HMGN1: variants seen among roughly 807,000 people sequenced by gnomAD.
HMGN1 encodes high mobility group nucleosome binding domain 1, also known as non-histone chromosomal protein HMG-14.
A neutral mutation model predicts 18.4 loss-of-function variants in HMGN1; 9 were observed. The observed-to-expected ratio is 0.49, with a 90% CI of 0.29 to 0.85. The LOEUF (loss-of-function observed/expected upper bound fraction) is 0.85, where lower values mean the gene tolerates loss of function less well. HMGN1 is among the 40% of genes least tolerant of loss of function. HMGN1 has a pLI of 0.07. For synonymous variants in HMGN1, 59 were observed against 45.0 expected, an observed-to-expected ratio of 1.31 and a Z score of -1.24; for missense variants, 151 against 119.2, an observed-to-expected ratio of 1.27 and a Z score of -1.24.
At chr21:39,345,319 T>C (rs747647104) in intron 4 of HMGN1, 45 bp from the exon 5 acceptor site, 1 of 1,570,572 alleles carries the variant, frequency 6.4e-7, no homozygotes, top group East Asian at 2.2e-5. Flanking sequence ...CTTTACTCCT[T>C]ATTTACATTT....
At chr21:39,347,242 C>T in intron 4 of HMGN1, 1 of 666,128 alleles carries the variant, frequency 1.5e-6, no homozygotes, top group Non-Finnish European at 2.0e-6. Context: ...ATACTATTCT[C>T]ATACCTTCCG....
intron 4 of HMGN1, 138 bp downstream of exon 4, chr21:39,348,154 C>T (rs1424489157): frequency 1.7e-6 from 2 of 1,171,368 alleles, no homozygotes; most frequent in Non-Finnish European, 2.4e-6. Context: ...ATTTTTGCCT[C>T]GACCACTAGA....
intron 5 of HMGN1, 22 bp downstream of exon 5, chr21:39,345,124 C>CACACACACAT: frequency 1.3e-6 from 2 of 1,567,564 alleles, no homozygotes; most frequent in Non-Finnish European, 8.7e-7. Context: ...CACACACACA[C>CACACACACAT]ACACACACAC....
intron 4 of HMGN1, 199 bp from the exon 5 acceptor site, chr21:39,345,473 C>T: frequency 1.7e-6 from 1 of 606,040 alleles, no homozygotes. Flanking sequence ...TTTGTATAGA[C>T]TGTATCCATA....
At chr21:39,348,708 A>T (rs2037158451) in intron 1 of HMGN1, 131 bp from the exon 2 acceptor site, 1 of 1,195,714 alleles carries the variant, frequency 8.4e-7, no homozygotes, top group Non-Finnish European at 1.1e-6. Flanking sequence ...TAGCCCCCTC[A>T]GCTCCCCCGG....
intron 4 of HMGN1, chr21:39,347,727 G>A (rs546244557): frequency 3.8e-6 from 1 of 264,840 alleles, no homozygotes; most frequent in Admixed American, 5.1e-5. Context: ...CCTGCAATTC[G>A]AATCATGCAA....
rs1212952107 is a variant in HMGN1, at chr21:39,348,316, C to T, written c.102G>A (p.Ala34=). 3 of 1,614,194 alleles carry T rather than the reference C, an allele frequency of 1.9e-6. No individual in the cohort carries two copies. Among genetic ancestry groups the T allele is most frequent in the Middle Eastern group, 1.6e-4 (1 of 6,062 alleles). The change falls in exon 4 of 6, where the codon GCG becomes GCA. Residue 34 remains alanine, a synonymous_variant. Transcript: ENST00000380749. The part of the protein sequence containing the change: ...LSAKPPAKVE[A]KPKKAAAKDK... ...CCTTCGCTGCTGCCTTTTTCGGCTT[C>T]GCTTCCACTTTTGCAGGAGGTTTCT...
In HMGN1 at chr21:39,348,573, C is replaced by G. The variant is rs2037150405; in HGVS notation, c.20G>C (p.Ser7Thr). Residue 7 changes from serine to threonine, a missense_variant, in exon 2 of 6, where the codon AGC becomes ACC. By Grantham distance (58) the Ser-to-Thr change is moderately conservative (BLOSUM62 1). Coordinates refer to ENST00000380749, the MANE Select transcript of HMGN1 (RefSeq NM_004965.7). ...TTCCTTGGCGGCGCCTTCGGCGGAGCTGACCTGCGGAGACGGAGACGCACG... is the reference window on the plus strand; with the variant it reads ...TTCCTTGGCGGCGCCTTCGGCGGAGGTGACCTGCGGAGACGGAGACGCACG... MPKRKV[S>T]SAEGAAKEEP... 16 of 1,607,702 alleles carry G rather than the reference C, an allele frequency of 1.0e-5. No individual in the cohort carries two copies. The East Asian group carries it at 3.4e-4, about 34-fold the overall frequency.
intron 5 of HMGN1, chr21:39,344,566 A>C (rs1301303877): frequency 6.5e-6 from 1 of 152,752 alleles, no homozygotes; most frequent in African/African-American, 2.4e-5. Flanking sequence ...GCTCACAACA[A>C]ATCAATCAAA....
chr21:39,348,401 T>C (rs1181086429), intron 3 of HMGN1, 21 bp downstream of exon 3: 1 of 1,614,016 alleles, frequency 6.2e-7, no homozygotes, highest in Non-Finnish European at 8.5e-7. Flanking sequence ...AACGAACGGT[T>C]ACGGGGCTCG....
At position 39,348,468 on chromosome 21, in the gene HMGN1, GGA is replaced by G. The variant is rs1271599362; in HGVS notation, c.49-19_49-18del. On this transcript the variant is annotated intron_variant, in intron 2 of 5. Coordinates refer to ENST00000380749, the MANE Select transcript of HMGN1 (RefSeq NM_004965.7). ...CCTCTTGGGCTTGGAGAAAGAAAAAGGAGAGTCAGCGAGAAGAGAAGGCAGGC... is the reference window on the plus strand; with the variant it reads ...CCTCTTGGGCTTGGAGAAAGAAAAAGGAGTCAGCGAGAAGAGAAGGCAGGC... 1.2e-6 allele frequency: 2 copies of G among 1,614,182 alleles called. No individual in the cohort carries two copies. The highest frequency in any genetic ancestry group is 1.7e-6 in the Non-Finnish European group (2 of 1,180,026).
intron 1 of HMGN1, 157 bp from the exon 2 acceptor site, chr21:39,348,734 G>T: frequency 9.0e-7 from 1 of 1,117,176 alleles, no homozygotes; most frequent in Non-Finnish European, 1.2e-6. Context: ...AAACGTTCCA[G>T]AACGCCCGCC....
intron 4 of HMGN1, 58 bp from the exon 5 acceptor site, chr21:39,345,332 T>C: frequency 6.4e-7 from 1 of 1,553,166 alleles, no homozygotes; most frequent in Non-Finnish European, 8.8e-7. Context: ...TTACATTTTG[T>C]TTTACTTTTT....
At chr21:39,348,180 A>C (rs769729670) in intron 4 of HMGN1, 112 bp downstream of exon 4, 52 of 1,357,204 alleles carry the variant, frequency 3.8e-5, no homozygotes, top group Non-Finnish European at 4.9e-5. Context: ...TATTTACCGT[A>C]ATTATTAAAG....
rs750663576 is a variant in HMGN1, at chr21:39,348,569, G to A, written c.24C>T (p.Ser8=). 6 of 1,609,604 alleles carry A rather than the reference G, an allele frequency of 3.7e-6. No individual in the cohort carries two copies. The South Asian group carries it at 4.4e-5, about 12-fold the overall frequency. The part of the protein sequence containing the change: MPKRKVS[S]AEGAAKEEPK... ...CCTCTTCCTTGGCGGCGCCTTCGGCGGAGCTGACCTGCGGAGACGGAGACG... is the reference window on the plus strand; with the variant it reads ...CCTCTTCCTTGGCGGCGCCTTCGGCAGAGCTGACCTGCGGAGACGGAGACG... The change falls in exon 2 of 6, where the codon TCC becomes TCT. Residue 8 remains serine, a synonymous_variant. Transcript: ENST00000380749.
At chr21:39,347,376 T>C in intron 4 of HMGN1, 17 of 1,155,256 alleles carry the variant, frequency 1.5e-5, no homozygotes, top group Non-Finnish European at 1.9e-5. Flanking sequence ...CTTTGTTTTA[T>C]ACCTTTATTT....
chr21:39,348,920 T>G lies in HMGN1; in HGVS notation c.-3A>C, dbSNP rs1214610663. On this transcript the variant is annotated 5_prime_UTR_variant, in exon 1 of 6. Coordinates refer to ENST00000380749, the MANE Select transcript of HMGN1 (RefSeq NM_004965.7). ...CCGCTCACCTTCCTCTTGGGCATCGTGGCGGCGGGGAAGGCGCGTGCCGGG... is the reference window on the plus strand; with the variant it reads ...CCGCTCACCTTCCTCTTGGGCATCGGGGCGGCGGGGAAGGCGCGTGCCGGG... The G allele has an allele frequency of 2.5e-6, 3 of 1,192,822 alleles. No homozygotes were observed. In the African/African-American group the frequency reaches 4.8e-5, roughly 19 times the overall value. The allele number at this position is 1,192,822 out of a possible 1,614,324, so 73.9% of individuals were successfully genotyped here. A position where few individuals can be genotyped will look rare whatever the true frequency, so the allele number is the denominator to read the frequency against.
At chr21:39,348,255 G>C (rs377267462) in intron 4 of HMGN1, 37 bp downstream of exon 4, 5 of 1,612,374 alleles carry the variant, frequency 3.1e-6, no homozygotes, top group Non-Finnish European at 4.2e-6. Flanking sequence ...TGTAGCCTAA[G>C]GCCCCGCTGC....
rs138483188 is a variant in HMGN1, at chr21:39,346,396, T to G, written c.127-1122A>C. 2.5e-3 allele frequency: 408 copies of G among 163,928 alleles called. 5 individuals are homozygous for G. The highest frequency in any genetic ancestry group is 9.2e-3 in the African/African-American group (380 of 41,484). The allele number at this position is 163,928 out of a possible 1,614,324, so 10.2% of individuals were successfully genotyped here. On this transcript the variant is annotated intron_variant, in intron 4 of 5. Coordinates refer to ENST00000380749, the MANE Select transcript of HMGN1 (RefSeq NM_004965.7). ...TGCTATCACAAAGTTTCACAATCACTTCTGTATTTAAGAACTACTCTTTTG... is the reference window on the plus strand; with the variant it reads ...TGCTATCACAAAGTTTCACAATCACGTCTGTATTTAAGAACTACTCTTTTG...
Sources: gnomAD v4.1 joint callset for allele counts on GRCh38, gnomAD v4.1.1 for gene constraint, MANE v1.5 for transcripts, NCBI Gene and HGNC (gene_info 2026-07-23, HGNC 2026-07-21) for gene names.